Variants in PBX1 observed in about 807,000 individuals in gnomAD.
PBX1 encodes the protein pre-B-cell leukemia transcription factor 1.
PBX1 carries 6 observed loss-of-function variants against 53.4 expected under a neutral mutation model. That is an observed-to-expected ratio of 0.11 (90% CI 0.06 to 0.22). PBX1 has a LOEUF of 0.22. Ranked by LOEUF, PBX1 falls within the 10% of genes least tolerant of loss-of-function variation. The pLI is 1.00. For missense variants in PBX1, 251 were observed against 551.4 expected, an observed-to-expected ratio of 0.46 and a Z score of 5.46; for synonymous variants, 204 against 212.3, an observed-to-expected ratio of 0.96 and a Z score of 0.34.
rs141703997 is a variant in PBX1 at position 164,617,285 on chromosome 1, G to A, written c.265+53974G>A. The stretch of plus-strand genomic sequence containing the variant: ...GGCCACAGAATTAACCTTTCACCTT[G>A]GCCAGCTGCCTCACAAATGCATGTT... On this transcript the variant is annotated intron_variant, in intron 2 of 8. Transcript: ENST00000420696. Among the ~76,000 whole-genome samples, 1,045 of 152,218 alleles carry A rather than the reference G, an allele frequency of 6.9e-3. 15 individuals are homozygous for A. The highest frequency in any genetic ancestry group is 0.024 in the African/African-American group (1,000 of 41,526).
chr1:164,878,959 T>G (rs185051818), intron 2 of PBX1, among the ~76,000 whole-genome samples: 24 of 152,220 alleles, frequency 1.6e-4, no homozygotes, highest in Admixed American at 1.6e-3. Context: ...GAAACTTAAG[T>G]GTTCTTTGTA....
At chr1:164,620,271 G>A (rs1780357) in intron 2 of PBX1, among the ~76,000 whole-genome samples, 97,427 of 151,968 alleles carry the variant, frequency 0.64, 31,640 homozygotes, top group East Asian at 0.93. Flanking sequence ...ATTTGTATTT[G>A]AAGATCCAAA....
chr1:164,767,588 C>G (rs1052288086), intron 2 of PBX1, among the ~76,000 whole-genome samples: 4 of 151,610 alleles, frequency 2.6e-5, no homozygotes, highest in African/African-American at 9.7e-5. Flanking sequence ...ATAAGTCATC[C>G]CCAAAGAATT....
intron 2 of PBX1, among the ~76,000 whole-genome samples, chr1:164,744,498 T>G (rs958459664): frequency 3.3e-5 from 5 of 152,180 alleles, no homozygotes; most frequent in African/African-American, 1.2e-4. Flanking sequence ...AGGTACCCAG[T>G]GCAATTCAAA....
Position 164,821,585 on chromosome 1 carries a change from G to T in PBX1, c.1159G>T (p.Gly387Ter). Residue 387 changes from glycine to a stop codon, truncating the protein, a stop_gained, in exon 8 of 9, where the codon GGA becomes TGA. Coordinates refer to ENST00000420696, the MANE Select transcript of PBX1 (RefSeq NM_002585.4). LOFTEE classifies it high-confidence loss of function. ...CAGCCAGACAGGAGGATACAGTGAT[G>T]GACTCGCAGCCAGTCAGATGTACAG... ...VISQTGGYSD[G>*]LAASQMYSPQ... The T allele has an allele frequency of 6.2e-7, 1 of 1,614,032 alleles. No homozygotes were observed. The highest frequency in any genetic ancestry group is 8.5e-7 in the Non-Finnish European group (1 of 1,179,942).
At chr1:164,832,273 G>C (rs936592995) in intron 8 of PBX1, among the ~76,000 whole-genome samples, 2 of 152,186 alleles carry the variant, frequency 1.3e-5, no homozygotes, top group Non-Finnish European at 2.9e-5. Context: ...GAACTCTTAA[G>C]AACTCAATTA....
intron 2 of PBX1, among the ~76,000 whole-genome samples, chr1:164,784,791 A>G (rs1668098718): frequency 6.6e-6 from 1 of 152,222 alleles, no homozygotes; most frequent in Admixed American, 6.5e-5. Context: ...TGAGGGCCGC[A>G]AATTCTTGCC....
chr1:164,710,391 G>A (rs1417665629), intron 2 of PBX1, among the ~76,000 whole-genome samples: 3 of 152,034 alleles, frequency 2.0e-5, no homozygotes, highest in African/African-American at 7.2e-5. Context: ...GGCAGTGGAA[G>A]GTGCTGGTTT....
At chr1:164,597,258 T>G (rs1013467452) in intron 2 of PBX1, among the ~76,000 whole-genome samples, 1 of 152,238 alleles carries the variant, frequency 6.6e-6, no homozygotes, top group African/African-American at 2.4e-5. Flanking sequence ...AGGATGGGTT[T>G]ATGTGGCCCC....
At chr1:164,727,373 A>G (rs1475755121) in intron 2 of PBX1, among the ~76,000 whole-genome samples, 4 of 152,328 alleles carry the variant, frequency 2.6e-5, no homozygotes, top group Non-Finnish European at 5.9e-5. Context: ...AAACTAAATC[A>G]GGTTATAATT....
At chr1:164,834,721 A>G (rs1157581503) in intron 8 of PBX1, among the ~76,000 whole-genome samples, 1 of 152,222 alleles carries the variant, frequency 6.6e-6, no homozygotes, top group Non-Finnish European at 1.5e-5. Flanking sequence ...GAAAAGAGTT[A>G]TGAAATCCCT....
intron 8 of PBX1, among the ~76,000 whole-genome samples, chr1:164,825,660 T>G (rs1267192297): frequency 6.6e-6 from 1 of 152,190 alleles, no homozygotes; most frequent in Non-Finnish European, 1.5e-5. Context: ...TCTCTGAGAA[T>G]AAGATTCAAA....
intron 2 of PBX1, among the ~76,000 whole-genome samples, chr1:164,618,120 C>G (rs1490778605): frequency 6.6e-6 from 1 of 152,186 alleles, no homozygotes; most frequent in Non-Finnish European, 1.5e-5. Context: ...GAGCATTTCT[C>G]TGGCCTGCCA....
intron 8 of PBX1, among the ~76,000 whole-genome samples, chr1:164,825,175 T>G (rs1670390380): frequency 1.3e-5 from 2 of 152,156 alleles, no homozygotes. Context: ...ATGTATGCCA[T>G]CTACACAAAT....
intron 2 of PBX1, among the ~76,000 whole-genome samples, chr1:164,867,290 A>G (rs1453041395): frequency 6.6e-6 from 1 of 152,172 alleles, no homozygotes; most frequent in East Asian, 1.9e-4. Context: ...TGCCCGACAC[A>G]CGGCAGTTGT....
At chr1:164,585,951 ACATTCATTCATT>A (rs549700231) in intron 2 of PBX1, among the ~76,000 whole-genome samples, 3 of 152,198 alleles carry the variant, frequency 2.0e-5, no homozygotes, top group Non-Finnish European at 4.4e-5. Flanking sequence ...AGTGCTTATG[ACATTCATTCATT>A]CATTCATTCA....
At chr1:164,793,427 A>T (rs150372318) in intron 3 of PBX1, among the ~76,000 whole-genome samples, 5 of 152,158 alleles carry the variant, frequency 3.3e-5, no homozygotes, top group Non-Finnish European at 7.3e-5. Context: ...TGTTCTGCAT[A>T]CTCAATTCTG....
intron 2 of PBX1, chr1:164,770,374 T>C (rs1459644807): frequency 6.6e-6 from 1 of 152,150 alleles, no homozygotes; most frequent in African/African-American, 2.4e-5. Flanking sequence ...TGTTGGGAAA[T>C]CTTCATAATC....
At chr1:164,573,178 C>A (rs556315370) in intron 2 of PBX1, among the ~76,000 whole-genome samples, 1 of 152,080 alleles carries the variant, frequency 6.6e-6, no homozygotes, top group African/African-American at 2.4e-5. Flanking sequence ...CCAAATATAT[C>A]TAAAAATCTT....
Sources: allele counts gnomAD v4.1 joint callset (sites outside exome capture counted in the v4.1 genomes callset), GRCh38; gene constraint gnomAD v4.1.1; transcripts MANE v1.5; gene names NCBI Gene and HGNC (gene_info 2026-07-23, HGNC 2026-07-21).